The following STX7 variants were observed in gnomAD, a reference collection of about 807,000 sequenced individuals.
STX7 encodes the protein syntaxin-7.
Under a neutral mutation model 39.6 loss-of-function variants are expected in STX7, and 34 were observed. The ratio of observed to expected loss-of-function variants is 0.86; its 90% CI spans 0.65 to 1.14. STX7 has a LOEUF of 1.14. STX7 is among the 50% of genes most tolerant of loss of function. The probability of loss-of-function intolerance (pLI) is 0.00; values close to 1 mark genes in which losing one functional copy is unlikely to be tolerated. For missense variants in STX7, 284 were observed against 310.4 expected (o/e 0.92, Z 0.64); for synonymous variants, 119 against 99.1 (o/e 1.20, Z -1.19).
At chr6:132,464,213 T>C (rs1774499384) in intron 8 of STX7, 138 bp from the exon 9 acceptor site, 2 of 809,604 alleles carry the variant, frequency 2.5e-6, no homozygotes, top group Admixed American at 4.5e-5. Flanking sequence ...TAAAGTTGAA[T>C]TTTTTTAAGC....
At chr6:132,495,995 G>A (rs569809213) in intron 2 of STX7, among the ~76,000 whole-genome samples, 2 of 152,208 alleles carry the variant, frequency 1.3e-5, no homozygotes, top group African/African-American at 4.8e-5. Flanking sequence ...AATGAAACAA[G>A]TGAAGATTCA....
rs1188148724 is a variant in STX7 at position 132,456,586 on chromosome 6, G to A, written c.*4172C>T. Reference sequence around the variant, plus strand: ...AGGAAGGAAACTGTGTTAAGTCCTGGGGCCCCAGAAGCTTAGTATATGTAT... The same window carrying A: ...AGGAAGGAAACTGTGTTAAGTCCTGAGGCCCCAGAAGCTTAGTATATGTAT... On this transcript the variant is annotated 3_prime_UTR_variant, in exon 10 of 10. Coordinates refer to ENST00000367941, the MANE Select transcript of STX7 (RefSeq NM_003569.3). 6.6e-6 allele frequency: 1 copy of A among 152,156 alleles called. No homozygotes were observed. Among genetic ancestry groups the A allele is most frequent in the Non-Finnish European group, 1.5e-5 (1 of 68,032 alleles). 9.4% of individuals were successfully genotyped at this position (152,156 alleles called of 1,614,324 possible).
chr6:132,480,536 C>T (rs184171819), intron 2 of STX7, among the ~76,000 whole-genome samples: 1 of 152,308 alleles, frequency 6.6e-6, no homozygotes, highest in East Asian at 1.9e-4. Context: ...TTCAAGACTA[C>T]AACTGGTCAT....
rs1201835999 is a variant in STX7, at chr6:132,459,713, C to T, written c.*1045G>A. 2 of 152,106 alleles carry T rather than the reference C, an allele frequency of 1.3e-5. No individual in the cohort carries two copies. The highest frequency in any genetic ancestry group is 4.8e-5 in the African/African-American group (2 of 41,420). The allele number at this position is 152,106 out of a possible 1,614,324, so 9.4% of individuals were successfully genotyped here. On this transcript the variant is annotated 3_prime_UTR_variant, in exon 10 of 10. Coordinates refer to ENST00000367941, the MANE Select transcript of STX7 (RefSeq NM_003569.3). ...AATTCAGATTAGTGCATTAAAACAACATTGATTTAAAAAGGGAAGTGAGAT... is the reference window on the plus strand; with the variant it reads ...AATTCAGATTAGTGCATTAAAACAATATTGATTTAAAAAGGGAAGTGAGAT...
At chr6:132,494,807 T>C (rs1024214362) in intron 2 of STX7, among the ~76,000 whole-genome samples, 66 of 152,210 alleles carry the variant, frequency 4.3e-4, no homozygotes, top group African/African-American at 1.4e-3. Context: ...TTTCAAGCTA[T>C]AGGATGACAT....
intron 3 of STX7, among the ~76,000 whole-genome samples, chr6:132,473,524 T>TG (rs1774792245): frequency 6.6e-6 from 1 of 150,678 alleles, no homozygotes; most frequent in Non-Finnish European, 1.5e-5. Context: ...TGTGTTGTTT[T>TG]TTTTTTTTTC....
intron 1 of STX7, among the ~76,000 whole-genome samples, chr6:132,506,325 G>T (rs1322608464): frequency 6.6e-6 from 1 of 151,902 alleles, no homozygotes; most frequent in East Asian, 1.9e-4. Context: ...CTGCAGAATG[G>T]GAGAAAAATA....
intron 2 of STX7, among the ~76,000 whole-genome samples, chr6:132,476,810 C>T (rs559486029): frequency 9.2e-5 from 14 of 152,130 alleles, no homozygotes; most frequent in African/African-American, 3.1e-4. Context: ...AAAGGCTCTA[C>T]ACAAAAGGGG....
intron 1 of STX7, among the ~76,000 whole-genome samples, chr6:132,504,826 T>C (rs889159449): frequency 6.6e-6 from 1 of 152,248 alleles, no homozygotes; most frequent in African/African-American, 2.4e-5. Flanking sequence ...GGAAAGAATT[T>C]ATGAAATAGA....
intron 8 of STX7, among the ~76,000 whole-genome samples, chr6:132,464,568 C>G (rs1423425034): frequency 6.6e-6 from 1 of 152,126 alleles, no homozygotes; most frequent in East Asian, 1.9e-4. Flanking sequence ...CAGAAAAACC[C>G]AAATGCTAAA....
Position 132,449,018 on chromosome 6 carries a change from C to CT in STX7, c.*11739dup, listed in dbSNP as rs1195881689. On this transcript the variant is annotated 3_prime_UTR_variant, in exon 10 of 10. Transcript: ENST00000367941. ...TTTGCTTCTTGTATATGTGGATCCA[C>CT]TTTTTTTTTTTTTAGACAGGGTACA... The CT allele has an allele frequency of 2.3e-3, 333 of 142,158 alleles. No homozygotes were observed. The highest frequency in any genetic ancestry group is 3.8e-3 in the Middle Eastern group (1 of 264). The allele number at this position is 142,158 out of a possible 1,614,324, so 8.8% of individuals were successfully genotyped here. A position where few individuals can be genotyped will look rare whatever the true frequency, so the allele number is the denominator to read the frequency against.
chr6:132,471,377 C>CTTAAAAAA, intron 5 of STX7, 86 bp downstream of exon 5: 4 of 1,423,580 alleles, frequency 2.8e-6, no homozygotes, highest in Non-Finnish European at 3.7e-6. Context: ...ATCTTTATGA[C>CTTAAAAAA]TTAAAAAATT....
rs1451558619 is a variant in STX7 at position 132,459,919 on chromosome 6, G to C, written c.*839C>G. The C allele has an allele frequency of 6.6e-6, 1 of 152,092 alleles. No individual in the cohort carries two copies. Among genetic ancestry groups the C allele is most frequent in the East Asian group, 1.9e-4 (1 of 5,192 alleles). The allele number at this position is 152,092 out of a possible 1,614,324, so 9.4% of individuals were successfully genotyped here. ...TAAGACATAAGGGAAGGTAAATAAT[G>C]GCCCACAAAACCAGATGATATGGTT... is the stretch of plus-strand genomic sequence containing the variant. On this transcript the variant is annotated 3_prime_UTR_variant, in exon 10 of 10. Coordinates refer to ENST00000367941, the MANE Select transcript of STX7 (RefSeq NM_003569.3).
chr6:132,466,824 C>T (rs1774576751), intron 8 of STX7, among the ~76,000 whole-genome samples: 1 of 152,140 alleles, frequency 6.6e-6, no homozygotes, highest in Admixed American at 6.6e-5. Context: ...TACAGATTTC[C>T]CCATCTCAGA....
chr6:132,501,254 A>G (rs1397874405), intron 2 of STX7, among the ~76,000 whole-genome samples: 1 of 152,018 alleles, frequency 6.6e-6, no homozygotes, highest in Non-Finnish European at 1.5e-5. Flanking sequence ...GGGTTTCTCC[A>G]TGTTGGTCAG....
chr6:132,451,084 C>T lies in STX7; in HGVS notation c.*9674G>A, dbSNP rs1297060341. 6.6e-6 allele frequency: 1 copy of T among 150,990 alleles called. No individual in the cohort carries two copies. Among genetic ancestry groups the T allele is most frequent in the Non-Finnish European group, 1.5e-5 (1 of 67,824 alleles). The allele number at this position is 150,990 out of a possible 1,614,324, so 9.4% of individuals were successfully genotyped here. The stretch of plus-strand genomic sequence containing the variant: ...AAAAAACTGGATTTCTCATGGGGAA[C>T]CATGAAATTTTCTTTCCTTTTTTTT... On this transcript the variant is annotated 3_prime_UTR_variant, in exon 10 of 10. Coordinates refer to ENST00000367941, the MANE Select transcript of STX7 (RefSeq NM_003569.3).
At chr6:132,472,258 A>G in intron 4 of STX7, 24 bp downstream of exon 4, 1 of 1,584,158 alleles carries the variant, frequency 6.3e-7, no homozygotes, top group Non-Finnish European at 8.6e-7. Context: ...CAATACATCA[A>G]CAATGTGTCT....
intron 8 of STX7, among the ~76,000 whole-genome samples, chr6:132,467,855 C>A (rs927506873): frequency 2.0e-5 from 3 of 152,184 alleles, no homozygotes; most frequent in African/African-American, 7.2e-5. Flanking sequence ...CTATTACATT[C>A]AATACTTAAG....
rs149995017 is a variant in STX7, at chr6:132,458,100, T to C, written c.*2658A>G. The C allele has an allele frequency of 1.3e-5, 2 of 152,338 alleles. No homozygotes were observed. Among genetic ancestry groups the C allele is most frequent in the Admixed American group, 6.5e-5 (1 of 15,302 alleles). 9.4% of individuals were successfully genotyped at this position (152,338 alleles called of 1,614,324 possible). The stretch of plus-strand genomic sequence containing the variant: ...TATCATTGTAGGTGTGTCTAAACAA[T>C]TGATATTCAAAAACACAACTTTTTG... On this transcript the variant is annotated 3_prime_UTR_variant, in exon 10 of 10. Coordinates refer to ENST00000367941, the MANE Select transcript of STX7 (RefSeq NM_003569.3).
Sources: gnomAD v4.1 joint callset for allele counts (sites outside exome capture counted in the v4.1 genomes callset) on GRCh38, gnomAD v4.1.1 for gene constraint, MANE v1.5 for transcripts, NCBI Gene and HGNC (gene_info 2026-07-23, HGNC 2026-07-21) for gene names.